Variants in TIGAR observed in about 807,000 individuals in gnomAD.
TIGAR encodes the protein fructose-2,6-bisphosphatase TIGAR.
A neutral mutation model predicts 17.9 loss-of-function variants in TIGAR; 7 were observed. The ratio of observed to expected loss-of-function variants is 0.39; its 90% CI spans 0.22 to 0.73. TIGAR has a LOEUF of 0.73. Ranked by LOEUF, TIGAR falls within the 30% of genes least tolerant of loss-of-function variation. The probability of loss-of-function intolerance (pLI) is 0.42; values close to 1 mark genes in which losing one functional copy is unlikely to be tolerated. For missense variants in TIGAR, 258 were observed against 327.4 expected, an observed-to-expected ratio of 0.79 and a Z score of 1.64; for synonymous variants, 94 against 108.6, an observed-to-expected ratio of 0.87 and a Z score of 0.84.
rs375480355 is a variant in TIGAR at position 4,321,246 on chromosome 12, C to T, written c.-26C>T. 72 of 1,600,248 alleles carry T rather than the reference C, an allele frequency of 4.5e-5. No homozygotes were observed. The highest frequency in any genetic ancestry group is 1.7e-4 in the Middle Eastern group (1 of 6,060). ...GTGCAGGGGCAGCGCGGCGCGGGGC[C>T]ACCGACGGGACGCGGCTCCGGGAAC... On this transcript the variant is annotated 5_prime_UTR_variant, in exon 1 of 6. Transcript: ENST00000179259. This position sits in a 1 kb window ranked among gnomAD's most constrained non-coding sequence, Gnocchi z 5.2.
intron 4 of TIGAR, 63 bp from the exon 5 acceptor site, chr12:4,351,204 C>G: frequency 6.7e-7 from 1 of 1,491,788 alleles, no homozygotes. Context: ...TTGCCATAAA[C>G]ATAAACTTAA....
intron 1 of TIGAR, chr12:4,324,323 C>CTTTTTTTT: frequency 3.2e-6 from 2 of 627,442 alleles, no homozygotes; most frequent in East Asian, 2.8e-5. Flanking sequence ...ATTTAACTTC[C>CTTTTTTTT]TTTTTTTTTT....
intron 2 of TIGAR, among the ~76,000 whole-genome samples, chr12:4,334,786 G>T (rs1864640925): frequency 6.6e-6 from 1 of 152,176 alleles, no homozygotes; most frequent in Non-Finnish European, 1.5e-5. Flanking sequence ...GCACTTGGAA[G>T]ATAGCATTCT....
At chr12:4,346,498 G>C (rs1864782062) in intron 3 of TIGAR, among the ~76,000 whole-genome samples, 1 of 151,970 alleles carries the variant, frequency 6.6e-6, no homozygotes, top group Non-Finnish European at 1.5e-5. Context: ...AGCAAACCAT[G>C]GCAAGGACAA....
rs569456440 is a variant in TIGAR, at chr12:4,329,715, T to C, written c.33-1565T>C. Among the ~76,000 whole-genome samples the C allele has an allele frequency of 2.0e-5, 3 of 152,284 alleles. No homozygotes were observed. In the East Asian group the frequency reaches 5.8e-4, roughly 29 times the overall value. On this transcript the variant is annotated intron_variant, in intron 1 of 5. Transcript: ENST00000179259. The stretch of plus-strand genomic sequence containing the variant: ...TTGGATAAAAGGGTAAACAGATTTG[T>C]CATTTTGATAGGTATTTCCAGATGA...
At position 4,357,614 on chromosome 12, in the gene TIGAR, G is replaced by A. The variant is rs1360660106; in HGVS notation, c.*4923G>A. 4.6e-5 allele frequency among the ~76,000 whole-genome samples: 7 copies of A among 152,152 alleles called. No homozygotes were observed. Among genetic ancestry groups the A allele is most frequent in the South Asian group, 2.1e-4 (1 of 4,832 alleles). ...GATGGCTAAGTAGGTCGTCATGACAGGTAACTACCAGTGCTTTAAAAACTT... is the reference window on the plus strand; with the variant it reads ...GATGGCTAAGTAGGTCGTCATGACAAGTAACTACCAGTGCTTTAAAAACTT... On this transcript the variant is annotated 3_prime_UTR_variant, in exon 6 of 6. Coordinates refer to ENST00000179259, the MANE Select transcript of TIGAR (RefSeq NM_020375.3).
intron 1 of TIGAR, among the ~76,000 whole-genome samples, chr12:4,328,805 G>C (rs1476551458): frequency 6.6e-6 from 1 of 151,572 alleles, no homozygotes; most frequent in African/African-American, 2.4e-5. Flanking sequence ...CCGAACTCCT[G>C]ACCTCGTGAT....
intron 3 of TIGAR, among the ~76,000 whole-genome samples, chr12:4,344,379 A>C (rs1438664549): frequency 6.6e-6 from 1 of 152,218 alleles, no homozygotes; most frequent in African/African-American, 2.4e-5. Context: ...TCATTTTATG[A>C]GGCCAGCATC....
Position 4,358,041 on chromosome 12 carries a change from T to C in TIGAR, c.*5350T>C, listed in dbSNP as rs1172058847. 6.7e-6 allele frequency among the ~76,000 whole-genome samples: 1 copy of C among 150,342 alleles called. No individual in the cohort carries two copies. The highest frequency in any genetic ancestry group is 1.5e-5 in the Non-Finnish European group (1 of 67,816). On this transcript the variant is annotated 3_prime_UTR_variant, in exon 6 of 6. Transcript: ENST00000179259. ...ATGGCGTGAACCCGGGAGGTGGAGCTTGCAGTGAGCCAAGGTCGCGCCACT... is the reference window on the plus strand; with the variant it reads ...ATGGCGTGAACCCGGGAGGTGGAGCCTGCAGTGAGCCAAGGTCGCGCCACT...
chr12:4,324,573 G>C (rs1303640393), intron 1 of TIGAR: 1 of 1,603,698 alleles, frequency 6.2e-7, no homozygotes, highest in African/African-American at 1.3e-5. Context: ...TGTCCCGCAG[G>C]TGCGTCTTCA....
intron 1 of TIGAR, chr12:4,324,268 T>C: frequency 3.2e-6 from 2 of 633,800 alleles, no homozygotes; most frequent in Non-Finnish European, 5.6e-6. Context: ...TCTGGTTCCT[T>C]GGAATGTTGT....
intron 1 of TIGAR, chr12:4,324,734 GTCC>G: frequency 2.7e-6 from 2 of 753,324 alleles, no homozygotes; most frequent in Admixed American, 2.0e-5. Context: ...GACACGTCCC[GTCC>G]CGCAGCTGGT....
chr12:4,354,014 C>CT lies in TIGAR; in HGVS notation c.*1326dup, dbSNP rs1461072907. ...TACACAAGATTGGTCTTTCAGAAAT[C>CT]TTTATCTAAATGAAGAAACTGTTCT... On this transcript the variant is annotated 3_prime_UTR_variant, in exon 6 of 6. Transcript: ENST00000179259. 6.6e-6 allele frequency: 1 copy of CT among 152,494 alleles called. No individual in the cohort carries two copies. Among genetic ancestry groups the CT allele is most frequent in the East Asian group, 1.9e-4 (1 of 5,190 alleles). 9.4% of individuals were successfully genotyped at this position (152,494 alleles called of 1,614,324 possible).
rs1351635800 is a variant in TIGAR, at chr12:4,359,072, ACTC to A, written c.*6382_*6384del. 6.9e-6 allele frequency among the ~76,000 whole-genome samples: 1 copy of A among 144,152 alleles called. No homozygotes were observed. The highest frequency in any genetic ancestry group is 2.0e-4 in the East Asian group (1 of 4,892). 94.6% of individuals were successfully genotyped at this position (144,152 alleles called of 152,430 possible). A position where few individuals can be genotyped will look rare whatever the true frequency, so the allele number is the denominator to read the frequency against. On this transcript the variant is annotated 3_prime_UTR_variant, in exon 6 of 6. Transcript: ENST00000179259. ...CTGGTTCCTCATTAAATTTGCAACT[ACTC>A]TTTTAGCCTTTATTGTTTATTTTCT...
At position 4,356,782 on chromosome 12, in the gene TIGAR, C is replaced by T. The variant is rs1419433596; in HGVS notation, c.*4091C>T. 1.3e-5 allele frequency among the ~76,000 whole-genome samples: 2 copies of T among 152,114 alleles called. No homozygotes were observed. The highest frequency in any genetic ancestry group is 2.9e-5 in the Non-Finnish European group (2 of 68,006). Reference sequence around the variant, plus strand: ...TTGCCTGTTTCTGTTAGGTTTAGTCCGAGGCCTAGCAGAGGGAATGGGCAG... The same window carrying T: ...TTGCCTGTTTCTGTTAGGTTTAGTCTGAGGCCTAGCAGAGGGAATGGGCAG... On this transcript the variant is annotated 3_prime_UTR_variant, in exon 6 of 6. Transcript: ENST00000179259.
chr12:4,358,091 A>G lies in TIGAR; in HGVS notation c.*5400A>G, dbSNP rs1264827528. Among the ~76,000 whole-genome samples the G allele has an allele frequency of 2.4e-5, 3 of 126,812 alleles. No homozygotes were observed. The highest frequency in any genetic ancestry group is 5.0e-5 in the Non-Finnish European group (3 of 60,078). The allele number at this position is 126,812 out of a possible 152,430, so 83.2% of individuals were successfully genotyped here. A position where few individuals can be genotyped will look rare whatever the true frequency, so the allele number is the denominator to read the frequency against. On this transcript the variant is annotated 3_prime_UTR_variant, in exon 6 of 6. Coordinates refer to ENST00000179259, the MANE Select transcript of TIGAR (RefSeq NM_020375.3). ...TGCACTGCAGCCTGGGTGACAGAGC[A>G]AGACTGGGTCTCAAAAAAAAAAAAA...
rs1037667519 is a variant in TIGAR, at chr12:4,331,269, T to C, written c.33-11T>C. The C allele has an allele frequency of 6.2e-7, 1 of 1,606,820 alleles. No homozygotes were observed. The highest frequency in any genetic ancestry group is 1.7e-5 in the Admixed American group (1 of 60,016). ...TTGGCTAATAAGGTTGTCCTTCTCTTTCTATTTTAGTGGAGAAACAAGATT... is the reference window on the plus strand; with the variant it reads ...TTGGCTAATAAGGTTGTCCTTCTCTCTCTATTTTAGTGGAGAAACAAGATT... On this transcript the variant is annotated splice_polypyrimidine_tract_variant and intron_variant, in intron 1 of 5. Transcript: ENST00000179259.
Position 4,355,859 on chromosome 12 carries a change from G to GCA in TIGAR, c.*3168_*3169insCA. ...CTCGATGGTGTCAGCACTGAAGGAT[G>GCA]TAAGATCTGCTGCTCTGGGGAGAGG... On this transcript the variant is annotated 3_prime_UTR_variant, in exon 6 of 6. Transcript: ENST00000179259. 6.6e-6 allele frequency among the ~76,000 whole-genome samples: 1 copy of GCA among 152,324 alleles called. No individual in the cohort carries two copies. The highest frequency in any genetic ancestry group is 1.5e-5 in the Non-Finnish European group (1 of 68,024).
chr12:4,344,628 A>G (rs1252224488), intron 3 of TIGAR, among the ~76,000 whole-genome samples: 3 of 152,240 alleles, frequency 2.0e-5, no homozygotes, highest in Admixed American at 2.0e-4. Flanking sequence ...CAAAAACCAC[A>G]TGATTATCTC....
Sources: gnomAD v4.1 joint callset for allele counts (sites outside exome capture counted in the v4.1 genomes callset) on GRCh38, gnomAD v4.1.1 for gene constraint, Gnocchi (gnomAD v3.1) non-coding constraint, MANE v1.5 for transcripts, NCBI Gene and HGNC (gene_info 2026-07-23, HGNC 2026-07-21) for gene names.